Variants in EPB41L1 observed in about 807,000 individuals in gnomAD.
The protein encoded by EPB41L1 is erythrocyte membrane protein band 4.1 like 1, also known as band 4.1-like protein 1.
Under a neutral mutation model 97.8 loss-of-function variants are expected in EPB41L1, and 29 were observed. The observed-to-expected ratio is 0.30, with a 90% CI of 0.22 to 0.40. The LOEUF (loss-of-function observed/expected upper bound fraction) is 0.40. EPB41L1 is among the 10% of genes least tolerant of loss of function. EPB41L1 has a pLI of 1.00. For missense variants in EPB41L1, 812 were observed against 1,162.3 expected (o/e 0.70, Z 4.38); for synonymous variants, 383 against 459.2 (o/e 0.83, Z 2.12).
At chr20:36,136,747 G>A (rs1348917851) in intron 2 of EPB41L1, among the ~76,000 whole-genome samples, 1 of 129,728 alleles carries the variant, frequency 7.7e-6, no homozygotes, top group Non-Finnish European at 1.5e-5. Flanking sequence ...CGTGGTACCT[G>A]ACTAATTTTT....
At chr20:36,152,547 C>T (rs7266316), upstream of EPB41L1, 943 of 178,352 alleles carry the variant, frequency 5.3e-3, 8 homozygotes, top group African/African-American at 0.021. Flanking sequence ...CTCCTGCCCA[C>T]GGGAGCCCAC....
chr20:36,168,847 G>A (rs989832875), intron 1 of EPB41L1, among the ~76,000 whole-genome samples: 3 of 151,888 alleles, frequency 2.0e-5, no homozygotes, highest in Non-Finnish European at 4.4e-5. Flanking sequence ...CCGCCACACT[G>A]GGCCACTAAG....
chr20:36,176,124 C>G (rs1278384539), intron 3 of EPB41L1, among the ~76,000 whole-genome samples: 4 of 152,154 alleles, frequency 2.6e-5, no homozygotes, highest in African/African-American at 7.2e-5. Context: ...TAGTGAATGT[C>G]CCTGTCCAGG....
At chr20:36,109,696 T>G (rs1014697076) in intron 1 of EPB41L1, 1 of 152,210 alleles carries the variant, frequency 6.6e-6, no homozygotes, top group Admixed American at 6.5e-5. Context: ...TATTCCTTTC[T>G]GCAAGTGATC....
intron 1 of EPB41L1, among the ~76,000 whole-genome samples, chr20:36,110,153 C>T (rs2058342416): frequency 1.3e-5 from 2 of 152,032 alleles, no homozygotes; most frequent in African/African-American, 4.8e-5. Context: ...GTTGGTCAGG[C>T]TGGTCTCGAA....
chr20:36,207,174 G>T lies in EPB41L1; in HGVS notation c.1669-2314G>T, dbSNP rs1003205450. On this transcript the variant is annotated intron_variant, in intron 14 of 21. Transcript: ENST00000338074. This position sits in a 1 kb window ranked among gnomAD's most constrained non-coding sequence, Gnocchi z 4.9. Reference sequence around the variant, plus strand: ...CCTCCCATGGGTCAGGGGAGCCTTCGGAGCTCAGGGAGCCCTTTCTTAGAC... The same window carrying T: ...CCTCCCATGGGTCAGGGGAGCCTTCTGAGCTCAGGGAGCCCTTTCTTAGAC... 7.8e-7 allele frequency: 1 copy of T among 1,288,508 alleles called. No homozygotes were observed. Among genetic ancestry groups the T allele is most frequent in the East Asian group, 5.6e-5 (1 of 17,966 alleles). 79.8% of individuals were successfully genotyped at this position (1,288,508 alleles called of 1,614,324 possible).
chr20:36,173,711 G>C lies in EPB41L1; in HGVS notation c.-14-53G>C, dbSNP rs1600733250. On this transcript the variant is annotated intron_variant, in intron 1 of 21. Coordinates refer to ENST00000338074, the MANE Select transcript of EPB41L1 (RefSeq NM_012156.2). Reference sequence around the variant, plus strand: ...GCGTGTGGTTCCTGCCCCTCTCGCTGTCATACCATTGCTGTCCCTCCCTGT... The same window carrying C: ...GCGTGTGGTTCCTGCCCCTCTCGCTCTCATACCATTGCTGTCCCTCCCTGT... 12 of 1,551,460 alleles carry C rather than the reference G, an allele frequency of 7.7e-6. No homozygotes were observed. In the East Asian group the frequency reaches 2.5e-4, roughly 32 times the overall value.
intron 1 of EPB41L1, among the ~76,000 whole-genome samples, chr20:36,099,379 A>T (rs2057936301): frequency 6.6e-6 from 1 of 152,184 alleles, no homozygotes; most frequent in Non-Finnish European, 1.5e-5. Context: ...TTCCTCATCT[A>T]TCAAATGTGA....
intron 14 of EPB41L1, among the ~76,000 whole-genome samples, chr20:36,203,187 G>A (rs913669784): frequency 3.9e-5 from 6 of 152,224 alleles, no homozygotes; most frequent in African/African-American, 1.4e-4. Context: ...CCTTCGCACC[G>A]TGGAAGTTTT....
At chr20:36,205,002 T>G (rs980124321) in intron 14 of EPB41L1, among the ~76,000 whole-genome samples, 1 of 152,210 alleles carries the variant, frequency 6.6e-6, no homozygotes, top group African/African-American at 2.4e-5. Context: ...CTTGATGCAT[T>G]CTATTGAGTT....
intron 5 of EPB41L1, among the ~76,000 whole-genome samples, chr20:36,181,122 G>A (rs1177894935): frequency 6.6e-6 from 1 of 152,176 alleles, no homozygotes; most frequent in African/African-American, 2.4e-5. Flanking sequence ...GGTGGTTACC[G>A]CAGAGACAAG....
At chr20:36,218,731 C>A (rs911374308) in intron 17 of EPB41L1, 145 bp from the exon 18 acceptor site, 1 of 756,318 alleles carries the variant, frequency 1.3e-6, no homozygotes, top group East Asian at 2.7e-5. Context: ...ATGAATGAGG[C>A]GGAACTGAAC....
chr20:36,222,018 G>A, intron 20 of EPB41L1, 74 bp downstream of exon 20: 1 of 1,481,292 alleles, frequency 6.8e-7, no homozygotes, highest in South Asian at 1.1e-5. Flanking sequence ...GTTACCCATG[G>A]ATGGCTATCC....
intron 2 of EPB41L1, among the ~76,000 whole-genome samples, chr20:36,143,137 T>TTGTG (rs59256378): frequency 0.014 from 1,894 of 130,784 alleles, 12 homozygotes; most frequent in Middle Eastern, 0.027. Context: ...GAGGGTGTGT[T>TTGTG]TGTGTGTGTG....
At chr20:36,185,536 T>G (rs1224045906) in intron 7 of EPB41L1, among the ~76,000 whole-genome samples, 1 of 152,248 alleles carries the variant, frequency 6.6e-6, no homozygotes, top group East Asian at 1.9e-4. Flanking sequence ...GATGACCTTT[T>G]GGGACCCAAG....
chr20:36,199,604 C>T (rs2146573800), intron 14 of EPB41L1, among the ~76,000 whole-genome samples: 1 of 152,320 alleles, frequency 6.6e-6, no homozygotes, highest in African/African-American at 2.4e-5. Flanking sequence ...GCCTTTAAGG[C>T]TGGTGCTGTG....
chr20:36,203,160 G>A (rs926244648), intron 14 of EPB41L1, among the ~76,000 whole-genome samples: 24 of 152,230 alleles, frequency 1.6e-4, no homozygotes, highest in Admixed American at 1.3e-4. Context: ...CGGGCCAGGT[G>A]TGTGGCTCTA....
At chr20:36,128,467 C>T (rs1313084446) in intron 2 of EPB41L1, among the ~76,000 whole-genome samples, 1 of 152,172 alleles carries the variant, frequency 6.6e-6, no homozygotes, top group East Asian at 1.9e-4. Flanking sequence ...GTTTAAATAA[C>T]ACTTTTAAGA....
chr20:36,175,106 C>G (rs537967678), intron 2 of EPB41L1, among the ~76,000 whole-genome samples: 2 of 152,086 alleles, frequency 1.3e-5, no homozygotes, highest in South Asian at 2.1e-4. Context: ...GGGCGGGCGG[C>G]GGTGGGGCAG....
Sources: gnomAD v4.1 joint callset for allele counts (sites outside exome capture counted in the v4.1 genomes callset) on GRCh38, gnomAD v4.1.1 for gene constraint, Gnocchi (gnomAD v3.1) non-coding constraint, MANE v1.5 for transcripts, NCBI Gene and HGNC (gene_info 2026-07-23, HGNC 2026-07-21) for gene names.